Variants in PLCG2 observed in about 807,000 individuals in gnomAD.
PLCG2 encodes the protein phospholipase C gamma 2.
PLCG2 carries 69 observed loss-of-function variants against 175.6 expected under a neutral mutation model. That is an observed-to-expected ratio of 0.39 (90% CI 0.32 to 0.48). The LOEUF is 0.48. Among genes scored for constraint, PLCG2 ranks in the 20% least tolerant of loss-of-function variants. The pLI is 0.91. For synonymous variants in PLCG2, 827 were observed against 624.0 expected, an observed-to-expected ratio of 1.33 and a Z score of -4.85; for missense variants, 1,798 against 1,650.9, an observed-to-expected ratio of 1.09 and a Z score of -1.54.
At chr16:81,875,696 G>A (rs1002486588) in intron 7 of PLCG2, among the ~76,000 whole-genome samples, 1 of 152,130 alleles carries the variant, frequency 6.6e-6, no homozygotes, top group Non-Finnish European at 1.5e-5. Flanking sequence ...GCTACCTCCT[G>A]ATCAAACCTG....
At chr16:81,767,609 C>T (rs886832606) in intron 2 of PLCG2, 2 of 152,084 alleles carry the variant, frequency 1.3e-5, no homozygotes, top group African/African-American at 4.8e-5. Context: ...TATTTGCATT[C>T]AGCAAAATTC....
chr16:81,920,815 G>T (rs925623538), intron 20 of PLCG2, among the ~76,000 whole-genome samples: 1 of 152,206 alleles, frequency 6.6e-6, no homozygotes. Context: ...TTCCATGGAG[G>T]TCAGTTTCAA....
At chr16:81,869,061 C>G (rs967969499) in intron 5 of PLCG2, among the ~76,000 whole-genome samples, 153 bp from the exon 6 acceptor site, 2 of 152,242 alleles carry the variant, frequency 1.3e-5, no homozygotes, top group Non-Finnish European at 2.9e-5. Flanking sequence ...CTTACCTTGA[C>G]TCAATGTCTT....
At chr16:81,884,722 A>G (rs1223567465) in intron 9 of PLCG2, among the ~76,000 whole-genome samples, 1 of 151,532 alleles carries the variant, frequency 6.6e-6, no homozygotes, top group African/African-American at 2.4e-5. Context: ...TTTTTTAAAT[A>G]GAGTTTATAT....
At chr16:81,761,088 G>T (rs535461036) in intron 2 of PLCG2, among the ~76,000 whole-genome samples, 2 of 152,156 alleles carry the variant, frequency 1.3e-5, no homozygotes, top group African/African-American at 4.8e-5. Flanking sequence ...GTAGTAACAA[G>T]GTTTCACTAT....
At chr16:81,881,411 T>G (rs1242279206) in intron 8 of PLCG2, among the ~76,000 whole-genome samples, 1 of 152,222 alleles carries the variant, frequency 6.6e-6, no homozygotes, top group Non-Finnish European at 1.5e-5. Context: ...TACTAAAAAG[T>G]CAGAGTTGCA....
rs933261519 is a variant in PLCG2 at position 81,961,774 on chromosome 16, T to G, written c.*3776T>G. The stretch of plus-strand genomic sequence containing the variant: ...AAATTTAAAAAGTAATACAACAGTT[T>G]TATTTAAACATGTAGTGTCTACGGT... On this transcript the variant is annotated 3_prime_UTR_variant, in exon 33 of 33. Coordinates refer to ENST00000564138, the MANE Select transcript of PLCG2 (RefSeq NM_002661.5). 2 of 204,098 alleles carry G rather than the reference T, an allele frequency of 9.8e-6. No individual in the cohort carries two copies. The highest frequency in any genetic ancestry group is 2.0e-5 in the Non-Finnish European group (2 of 99,628). 12.6% of individuals were successfully genotyped at this position (204,098 alleles called of 1,614,324 possible).
chr16:81,923,342 C>G, intron 21 of PLCG2, 143 bp from the exon 22 acceptor site: 1 of 580,626 alleles, frequency 1.7e-6, no homozygotes, highest in Non-Finnish European at 3.1e-6. Flanking sequence ...CAATGCCAGT[C>G]CCTCTCCAGC....
chr16:81,947,571 T>A (rs4312298), intron 31 of PLCG2, among the ~76,000 whole-genome samples: 1 of 152,006 alleles, frequency 6.6e-6, no homozygotes, highest in Non-Finnish European at 1.5e-5. Flanking sequence ...ACAGCCTCAA[T>A]GCAGACTTTT....
At chr16:81,761,491 C>T (rs533888016) in intron 2 of PLCG2, among the ~76,000 whole-genome samples, 1 of 152,186 alleles carries the variant, frequency 6.6e-6, no homozygotes, top group Non-Finnish European at 1.5e-5. Flanking sequence ...TAAGCTTGGG[C>T]AGCAGCCTGG....
At chr16:81,769,726 A>C (rs1251528798) in intron 2 of PLCG2, among the ~76,000 whole-genome samples, 1 of 142,460 alleles carries the variant, frequency 7.0e-6, no homozygotes, top group Non-Finnish European at 1.5e-5. Context: ...AGGCTGAGGC[A>C]GGAGAATGGC....
At position 81,958,994 on chromosome 16, in the gene PLCG2, G is replaced by T. The variant is rs1342964379; in HGVS notation, c.*996G>T. Reference sequence around the variant, plus strand: ...TTTCAAATGCAGCCATCTCCCTTGGGGCAGATCTACCTAGTTCATGACAGT... The same window carrying T: ...TTTCAAATGCAGCCATCTCCCTTGGTGCAGATCTACCTAGTTCATGACAGT... On this transcript the variant is annotated 3_prime_UTR_variant, in exon 33 of 33. Transcript: ENST00000564138. 1 of 223,824 alleles carries T rather than the reference G, an allele frequency of 4.5e-6. No homozygotes were observed. The highest frequency in any genetic ancestry group is 8.9e-6 in the Non-Finnish European group (1 of 112,206). 13.9% of individuals were successfully genotyped at this position (223,824 alleles called of 1,614,324 possible). A position where few individuals can be genotyped will look rare whatever the true frequency, so the allele number is the denominator to read the frequency against.
intron 2 of PLCG2, among the ~76,000 whole-genome samples, chr16:81,807,395 A>AAGTTGC (rs1904286174): frequency 6.6e-6 from 1 of 152,206 alleles, no homozygotes. Flanking sequence ...TCTGAGATCC[A>AAGTTGC]AGTTGCAAAG....
intron 2 of PLCG2, among the ~76,000 whole-genome samples, chr16:81,800,443 C>G (rs1019795121): frequency 6.6e-6 from 1 of 152,142 alleles, no homozygotes; most frequent in African/African-American, 2.4e-5. Flanking sequence ...TCAGCTCCCA[C>G]TTATGATTGA....
At chr16:81,845,853 T>C (rs1046016210) in intron 2 of PLCG2, among the ~76,000 whole-genome samples, 1 of 152,226 alleles carries the variant, frequency 6.6e-6, no homozygotes, top group Non-Finnish European at 1.5e-5. Flanking sequence ...CTGCATATTC[T>C]TATGTGGCTT....
chr16:81,837,521 G>T lies in PLCG2; in HGVS notation c.194-16923G>T, dbSNP rs74029239. 5.4e-3 allele frequency among the ~76,000 whole-genome samples: 817 copies of T among 152,316 alleles called. 9 individuals are homozygous for T. Among genetic ancestry groups the T allele is most frequent in the Middle Eastern group, 0.024 (7 of 294 alleles). Reference sequence around the variant, plus strand: ...GGTAGAATCCCCTGGGAGGAGTAAGGGATGCTCTCCGCAGGGACCCCCGTG... The same window carrying T: ...GGTAGAATCCCCTGGGAGGAGTAAGTGATGCTCTCCGCAGGGACCCCCGTG... On this transcript the variant is annotated intron_variant, in intron 2 of 32. Transcript: ENST00000564138.
At chr16:81,853,525 C>A (rs1275749726) in intron 2 of PLCG2, among the ~76,000 whole-genome samples, 1 of 152,104 alleles carries the variant, frequency 6.6e-6, no homozygotes, top group African/African-American at 2.4e-5. Context: ...GATCATCAGG[C>A]ATTAGATTCC....
chr16:81,864,731 C>T (rs575933560), intron 5 of PLCG2, among the ~76,000 whole-genome samples: 2 of 152,166 alleles, frequency 1.3e-5, no homozygotes. Flanking sequence ...GGTGCCGGCC[C>T]AGCCTCAGCA....
intron 2 of PLCG2, among the ~76,000 whole-genome samples, chr16:81,822,618 A>G (rs1172240094): frequency 6.6e-6 from 1 of 152,060 alleles, no homozygotes; most frequent in Admixed American, 6.5e-5. Context: ...TTAACTGGGC[A>G]TGGTGGCGTG....
Sources: gnomAD v4.1 joint callset for allele counts (sites outside exome capture counted in the v4.1 genomes callset) on GRCh38, gnomAD v4.1.1 for gene constraint, MANE v1.5 for transcripts, NCBI Gene and HGNC (gene_info 2026-07-23, HGNC 2026-07-21) for gene names.